The following SLCO3A1 variants were observed in gnomAD, a reference collection of about 807,000 sequenced individuals.
The protein encoded by SLCO3A1 is solute carrier organic anion transporter family member 3A1.
Under a neutral mutation model 63.1 loss-of-function variants are expected in SLCO3A1, and 27 were observed. The observed-to-expected ratio is 0.43, with a 90% CI of 0.32 to 0.59. SLCO3A1 has a LOEUF of 0.59. Ranked by LOEUF, SLCO3A1 falls within the 20% of genes least tolerant of loss-of-function variation. The pLI is 0.09. For missense variants in SLCO3A1, 773 were observed against 945.8 expected (o/e 0.82, Z 2.40); for synonymous variants, 473 against 409.9 (o/e 1.15, Z -1.86).
intron 2 of SLCO3A1, among the ~76,000 whole-genome samples, chr15:91,925,318 T>C (rs1898974721): frequency 6.6e-6 from 1 of 152,230 alleles, no homozygotes; most frequent in Non-Finnish European, 1.5e-5. Flanking sequence ...CTGTCGAGCA[T>C]TGTGTTTTGC....
intron 3 of SLCO3A1, among the ~76,000 whole-genome samples, chr15:92,097,726 G>A (rs1407615184): frequency 1.3e-5 from 2 of 152,016 alleles, no homozygotes; most frequent in South Asian, 2.1e-4. Flanking sequence ...CGTCCTTCCC[G>A]GAGGCACCGT....
chr15:91,908,956 G>A (rs1210038169), intron 1 of SLCO3A1, among the ~76,000 whole-genome samples: 1 of 152,152 alleles, frequency 6.6e-6, no homozygotes, highest in Non-Finnish European at 1.5e-5. Context: ...AGCTACTCAG[G>A]AGGCTGAGGC....
At chr15:91,988,624 C>T (rs1346943864) in intron 2 of SLCO3A1, among the ~76,000 whole-genome samples, 1 of 152,004 alleles carries the variant, frequency 6.6e-6, no homozygotes, top group East Asian at 1.9e-4. Flanking sequence ...TAAGAATCAC[C>T]TGGAGGGCTT....
In SLCO3A1 at chr15:92,164,640, C is replaced by T. The variant is rs1156690228; in HGVS notation, c.*1505C>T. 1 of 985,162 alleles carries T rather than the reference C, an allele frequency of 1.0e-6. No homozygotes were observed. Among genetic ancestry groups the T allele is most frequent in the East Asian group, 1.1e-4 (1 of 8,826 alleles). The allele number at this position is 985,162 out of a possible 1,614,324, so 61.0% of individuals were successfully genotyped here. A position where few individuals can be genotyped will look rare whatever the true frequency, so the allele number is the denominator to read the frequency against. Reference sequence around the variant, plus strand: ...CTCTGATAACGAATAGACCCACAAGCTCCTGGAAGCTGTCGTGTGTCCAAT... The same window carrying T: ...CTCTGATAACGAATAGACCCACAAGTTCCTGGAAGCTGTCGTGTGTCCAAT... On this transcript the variant is annotated 3_prime_UTR_variant, in exon 10 of 10. Transcript: ENST00000318445.
At chr15:92,135,266 G>A (rs2048043047) in intron 7 of SLCO3A1, among the ~76,000 whole-genome samples, 1 of 152,140 alleles carries the variant, frequency 6.6e-6, no homozygotes, top group African/African-American at 2.4e-5. Context: ...TAGATAGCTG[G>A]AGCAGAGTGA....
At chr15:91,858,397 A>G (rs1353376427) in intron 1 of SLCO3A1, among the ~76,000 whole-genome samples, 6 of 150,790 alleles carry the variant, frequency 4.0e-5, no homozygotes, top group Admixed American at 1.3e-4. Flanking sequence ...TTTTTTCCTT[A>G]TAGCTAGATT....
intron 4 of SLCO3A1, among the ~76,000 whole-genome samples, chr15:92,112,290 C>A (rs915494702): frequency 3.9e-5 from 6 of 152,174 alleles, no homozygotes; most frequent in African/African-American, 1.4e-4. Context: ...GGGGCTGCTC[C>A]CACACCAGCA....
At chr15:92,142,616 G>A (rs740433) in intron 7 of SLCO3A1, among the ~76,000 whole-genome samples, 3 of 152,110 alleles carry the variant, frequency 2.0e-5, no homozygotes, top group Admixed American at 1.3e-4. Context: ...TTCAAACCAC[G>A]CACTGCTACC....
chr15:92,151,469 C>T lies in SLCO3A1; in HGVS notation c.1753+455C>T, dbSNP rs575465561. ...GACTTAGTTTGTTTACCTTGAATTTCTGGGATGGGGCAAATGTGACCTTCA... is the reference window on the plus strand; with the variant it reads ...GACTTAGTTTGTTTACCTTGAATTTTTGGGATGGGGCAAATGTGACCTTCA... On this transcript the variant is annotated intron_variant, in intron 9 of 9. Transcript: ENST00000318445. Among the ~76,000 whole-genome samples, 4 of 152,256 alleles carry T rather than the reference C, an allele frequency of 2.6e-5. No individual in the cohort carries two copies. The South Asian group carries it at 6.2e-4, about 24-fold the overall frequency.
In SLCO3A1 at chr15:91,916,041, G is replaced by A; in HGVS notation, c.229G>A (p.Asp77Asn). Reference sequence around the variant, plus strand: ...GCGTAGGTTCAACCTGCAGAGCGCTGACGTGGGTGTGATCGCTAGCAGCTT... The same window carrying A: ...GCGTAGGTTCAACCTGCAGAGCGCTAACGTGGGTGTGATCGCTAGCAGCTT... ...LERRFNLQSA[D>N]VGVIASSFEI... Residue 77 changes from aspartate (D) to asparagine (N), a missense_variant, in exon 2 of 10, where the codon GAC (aspartate) becomes AAC (asparagine). By Grantham distance (23) the Asp-to-Asn change is conservative (BLOSUM62 1). Transcript: ENST00000318445. The surrounding 1 kb of genome is among the most constrained non-coding windows in gnomAD (Gnocchi z 6.2). 1 of 1,613,482 alleles carries A rather than the reference G, an allele frequency of 6.2e-7. No homozygotes were observed. Among genetic ancestry groups the A allele is most frequent in the Non-Finnish European group, 8.5e-7 (1 of 1,179,996 alleles).
At chr15:91,977,328 C>G (rs1306069441) in intron 2 of SLCO3A1, among the ~76,000 whole-genome samples, 1 of 152,146 alleles carries the variant, frequency 6.6e-6, no homozygotes, top group Admixed American at 6.5e-5. Flanking sequence ...CCTCATGGCT[C>G]ATTGAGAGAA....
chr15:91,980,569 C>T (rs2045972530), intron 2 of SLCO3A1, among the ~76,000 whole-genome samples: 1 of 151,982 alleles, frequency 6.6e-6, no homozygotes. Context: ...CCTTTCTAAA[C>T]ATAACTCCTC....
intron 2 of SLCO3A1, among the ~76,000 whole-genome samples, chr15:92,054,100 G>A (rs952914897): frequency 4.6e-5 from 7 of 152,306 alleles, no homozygotes; most frequent in Non-Finnish European, 1.0e-4. Context: ...ATCCAGTACT[G>A]CTATGTTTTG....
chr15:92,077,860 C>T (rs1193934804), intron 2 of SLCO3A1, among the ~76,000 whole-genome samples: 1 of 152,204 alleles, frequency 6.6e-6, no homozygotes, highest in African/African-American at 2.4e-5. Flanking sequence ...CTTCTGCTGC[C>T]ATTTCCCCTT....
intron 1 of SLCO3A1, among the ~76,000 whole-genome samples, chr15:91,858,572 T>G (rs1896979016): frequency 6.6e-6 from 1 of 152,228 alleles, no homozygotes; most frequent in Admixed American, 6.5e-5. Flanking sequence ...TGCATTTTGT[T>G]AACTCTTCCC....
chr15:91,917,513 C>A (rs575165986), intron 2 of SLCO3A1, among the ~76,000 whole-genome samples: 3 of 152,172 alleles, frequency 2.0e-5, no homozygotes, highest in African/African-American at 7.2e-5. Flanking sequence ...GGAGTAGACG[C>A]GTTTACTGAA....
intron 5 of SLCO3A1, among the ~76,000 whole-genome samples, chr15:92,125,463 A>G (rs1268706028): frequency 6.6e-6 from 1 of 152,138 alleles, no homozygotes; most frequent in Non-Finnish European, 1.5e-5. Flanking sequence ...TATGCCATTT[A>G]TTCACCAAGA....
chr15:92,005,908 C>G (rs181497488), intron 2 of SLCO3A1, among the ~76,000 whole-genome samples: 1 of 152,020 alleles, frequency 6.6e-6, no homozygotes, highest in Non-Finnish European at 1.5e-5. Context: ...TGGGACTGAG[C>G]GAAAGCGTTT....
rs767574902 is a variant in SLCO3A1 at position 92,163,168 on chromosome 15, A to G, written c.*33A>G. 2.1e-6 allele frequency: 3 copies of G among 1,435,054 alleles called. No homozygotes were observed. The highest frequency in any genetic ancestry group is 1.8e-6 in the Non-Finnish European group (2 of 1,096,106). The allele number at this position is 1,435,054 out of a possible 1,614,324, so 88.9% of individuals were successfully genotyped here. A position where few individuals can be genotyped will look rare whatever the true frequency, so the allele number is the denominator to read the frequency against. ...AGGAGGGCTGAACTCTGTATTAGTAATCCAAGGGTCATTTTTTTCTTAAAA... is the reference window on the plus strand; with the variant it reads ...AGGAGGGCTGAACTCTGTATTAGTAGTCCAAGGGTCATTTTTTTCTTAAAA... On this transcript the variant is annotated 3_prime_UTR_variant, in exon 10 of 10. Transcript: ENST00000318445.
Sources: gnomAD v4.1 joint callset for allele counts (sites outside exome capture counted in the v4.1 genomes callset) on GRCh38, gnomAD v4.1.1 for gene constraint, Gnocchi (gnomAD v3.1) non-coding constraint, MANE v1.5 for transcripts, NCBI Gene and HGNC (gene_info 2026-07-23, HGNC 2026-07-21) for gene names.